The following FCMR variants were observed in gnomAD, a reference collection of about 807,000 sequenced individuals.
FCMR encodes immunoglobulin mu Fc receptor.
A neutral mutation model predicts 41.6 loss-of-function variants in FCMR; 34 were observed. The ratio of observed to expected loss-of-function variants is 0.82; its 90% CI spans 0.62 to 1.09. FCMR has a LOEUF of 1.09. Ranked by LOEUF, FCMR falls within the 50% of genes least tolerant of loss-of-function variation. The pLI, the probability that FCMR is intolerant of heterozygous loss-of-function variation, is 0.00. For missense variants in FCMR, 496 were observed against 512.5 expected, an observed-to-expected ratio of 0.97 and a Z score of 0.31; for synonymous variants, 209 against 211.8, an observed-to-expected ratio of 0.99 and a Z score of 0.12.
chr1:206,914,266 C>T (rs1437841982), intron 1 of FCMR, among the ~76,000 whole-genome samples, 172 bp from the exon 2 acceptor site: 1 of 152,182 alleles, frequency 6.6e-6, no homozygotes, highest in African/African-American at 2.4e-5. Context: ...TCAGCCTGTC[C>T]TTAGCCACAG....
At chr1:206,908,703 G>A (rs1678785711) in intron 7 of FCMR, among the ~76,000 whole-genome samples, 2 of 151,514 alleles carry the variant, frequency 1.3e-5, no homozygotes, top group Non-Finnish European at 2.9e-5. Flanking sequence ...TTGTAATCAG[G>A]ATCAAATAAA....
intron 1 of FCMR, among the ~76,000 whole-genome samples, chr1:206,920,454 C>CAA (rs10693146): frequency 0.4 from 44,270 of 110,568 alleles, 8,657 homozygotes; most frequent in Middle Eastern, 0.52. Flanking sequence ...GACTCTGTCT[C>CAA]AAAAAAAAAA....
Position 206,913,802 on chromosome 1 carries a change from T to A in FCMR, c.330A>T (p.Thr110=). The A allele has an allele frequency of 1.2e-6, 2 of 1,614,272 alleles. No homozygotes were observed. Among genetic ancestry groups the A allele is most frequent in the Non-Finnish European group, 1.7e-6 (2 of 1,180,048 alleles). ...GVYACGAGMN[T]DRGKTQKVTL... ...TGACTTTCTGGGTCTTTCCCCGGTC[T>A]GTGTTCATGCCCGCTCCGCAGGCAT... Residue 110 remains threonine, a synonymous_variant, in exon 2 of 8, where the codon ACA becomes ACT. Transcript: ENST00000367091.
At chr1:206,907,851 G>A (rs1678739468) in intron 7 of FCMR, 3 of 1,375,522 alleles carry the variant, frequency 2.2e-6, no homozygotes, top group Admixed American at 1.7e-5. Context: ...GCCCCCAGCC[G>A]CATCTTGTGG....
At chr1:206,920,396 AGT>A (rs1445917029) in intron 1 of FCMR, among the ~76,000 whole-genome samples, 8 of 147,854 alleles carry the variant, frequency 5.4e-5, no homozygotes, top group Non-Finnish European at 1.5e-5. Context: ...CGGAGGTTGC[AGT>A]GTGATGAGAT....
chr1:206,905,747 T>C lies in FCMR; in HGVS notation c.1045-600A>G, dbSNP rs898481541. Among the ~76,000 whole-genome samples the C allele has an allele frequency of 2.0e-5, 3 of 152,082 alleles. No homozygotes were observed. The East Asian group carries it at 5.8e-4, about 29-fold the overall frequency. On this transcript the variant is annotated intron_variant, in intron 7 of 7. Coordinates refer to ENST00000367091, the MANE Select transcript of FCMR (RefSeq NM_005449.5). ...CCAACATGGCACAGTTACTATCTCA[T>C]CCACTGAGGAAGGCCACAAGGGGGA...
intron 1 of FCMR, among the ~76,000 whole-genome samples, chr1:206,920,972 G>A (rs1366749061): frequency 6.6e-6 from 1 of 152,202 alleles, no homozygotes; most frequent in Non-Finnish European, 1.5e-5. Flanking sequence ...GATGATCAGC[G>A]ATACTTCAGA....
At chr1:206,905,756 G>A (rs1370851867) in intron 7 of FCMR, among the ~76,000 whole-genome samples, 1 of 152,196 alleles carries the variant, frequency 6.6e-6, no homozygotes, top group Non-Finnish European at 1.5e-5. Flanking sequence ...ATCCACTGAG[G>A]AAGGCCACAA....
chr1:206,907,268 T>C (rs1054266338), intron 7 of FCMR, among the ~76,000 whole-genome samples: 4 of 152,094 alleles, frequency 2.6e-5, no homozygotes, highest in Non-Finnish European at 5.9e-5. Flanking sequence ...GCCTCTAGGA[T>C]GCAAGTGGAA....
At chr1:206,914,959 A>G (rs1415828884) in intron 1 of FCMR, among the ~76,000 whole-genome samples, 1 of 152,252 alleles carries the variant, frequency 6.6e-6, no homozygotes, top group African/African-American at 2.4e-5. Context: ...AATATGCCTC[A>G]GGTGACCCCA....
Position 206,909,370 on chromosome 1 carries a change from G to A in FCMR, c.1044+92C>T. 1.4e-6 allele frequency: 1 copy of A among 699,300 alleles called. No homozygotes were observed. The highest frequency in any genetic ancestry group is 1.8e-5 in the African/African-American group (1 of 54,400). 43.3% of individuals were successfully genotyped at this position (699,300 alleles called of 1,614,324 possible). Reference sequence around the variant, plus strand: ...AACCCGCTCTCCGGATCGCGGCGGCGGCGGCGCGGGAAGCCACACTCGGGT... The same window carrying A: ...AACCCGCTCTCCGGATCGCGGCGGCAGCGGCGCGGGAAGCCACACTCGGGT... On this transcript the variant is annotated intron_variant, in intron 7 of 7. Coordinates refer to ENST00000367091, the MANE Select transcript of FCMR (RefSeq NM_005449.5). This position sits in a 1 kb window ranked among gnomAD's most constrained non-coding sequence, Gnocchi z 5.0.
intron 7 of FCMR, 131 bp from the exon 8 acceptor site, chr1:206,905,278 G>A (rs1172323163): frequency 1.0e-6 from 1 of 973,728 alleles, no homozygotes; most frequent in Non-Finnish European, 1.5e-6. Flanking sequence ...ACACAGAGAT[G>A]GCTCAGCTCC....
At position 206,911,744 on chromosome 1, in the gene FCMR, C is replaced by T. The variant is rs192900792; in HGVS notation, c.696G>A (p.Arg232=). The T allele has an allele frequency of 7.5e-5, 121 of 1,611,022 alleles. 1 individual carries two copies. The Admixed American group carries it at 1.9e-3, about 26-fold the overall frequency. ...PQTPSYNHHT[R]LHRQRALDYG... is the part of the protein sequence containing the mutation. Reference sequence around the variant, plus strand: ...TGGTCTCTTACCTCTGCCTGTGCAGCCTGGTGTGGTGGTTGTAGCTGGGCG... The same window carrying T: ...TGGTCTCTTACCTCTGCCTGTGCAGTCTGGTGTGGTGGTTGTAGCTGGGCG... The change falls in exon 4 of 8, where the codon AGG becomes AGA. Residue 232 remains arginine, a synonymous_variant. Coordinates refer to ENST00000367091, the MANE Select transcript of FCMR (RefSeq NM_005449.5).
At chr1:206,918,194 T>C (rs949153943) in intron 1 of FCMR, among the ~76,000 whole-genome samples, 6 of 152,178 alleles carry the variant, frequency 3.9e-5, no homozygotes, top group African/African-American at 1.4e-4. Flanking sequence ...GTTGACAGAA[T>C]GGAGCCAGCC....
At chr1:206,914,199 C>T in intron 1 of FCMR, 105 bp from the exon 2 acceptor site, 4 of 812,158 alleles carry the variant, frequency 4.9e-6, no homozygotes, top group Non-Finnish European at 7.9e-6. Context: ...GCCCAGGCCC[C>T]AGCCCAACCT....
upstream of FCMR, chr1:206,923,046 G>C (rs997154691): frequency 1.3e-5 from 2 of 152,232 alleles, no homozygotes; most frequent in Non-Finnish European, 2.9e-5. Flanking sequence ...CATTCTCAGG[G>C]CTCTGTTCCT....
intron 7 of FCMR, chr1:206,907,909 G>A (rs142276608): frequency 0.02 from 24,756 of 1,254,736 alleles, 272 homozygotes; most frequent in Middle Eastern, 0.029. Flanking sequence ...AGGCCAGGCC[G>A]CCCTGGACCA....
intron 7 of FCMR, among the ~76,000 whole-genome samples, chr1:206,908,804 G>T (rs1433108387): frequency 6.6e-6 from 1 of 152,114 alleles, no homozygotes; most frequent in African/African-American, 2.4e-5. Context: ...GACACTGTAG[G>T]CTGCTTTAGA....
intron 1 of FCMR, among the ~76,000 whole-genome samples, chr1:206,914,978 A>C (rs1679125356): frequency 6.6e-6 from 1 of 152,248 alleles, no homozygotes; most frequent in East Asian, 1.9e-4. Context: ...CAAACAGCAT[A>C]GAGCCCCCAC....
Sources: gnomAD v4.1 joint callset for allele counts (sites outside exome capture counted in the v4.1 genomes callset) on GRCh38, gnomAD v4.1.1 for gene constraint, Gnocchi (gnomAD v3.1) non-coding constraint, MANE v1.5 for transcripts, NCBI Gene and HGNC (gene_info 2026-07-23, HGNC 2026-07-21) for gene names.